The following FYN variants were observed in gnomAD, a reference collection of about 807,000 sequenced individuals.
The protein encoded by FYN is tyrosine-protein kinase Fyn.
Under a neutral mutation model 70.2 loss-of-function variants are expected in FYN, and 10 were observed. The observed-to-expected ratio is 0.14, with a 90% confidence interval of 0.09 to 0.24. FYN has a LOEUF of 0.24. Among genes scored for constraint, FYN ranks in the 10% least tolerant of loss-of-function variants. The pLI, the probability that FYN is intolerant of heterozygous loss-of-function variation, is 1.00. For synonymous variants in FYN, 236 were observed against 248.6 expected, an observed-to-expected ratio of 0.95 and a Z score of 0.48; for missense variants, 319 against 673.1, an observed-to-expected ratio of 0.47 and a Z score of 5.82.
Position 111,661,564 on chromosome 6 carries a change from G to T in FYN, c.*175C>A. On this transcript the variant is annotated 3_prime_UTR_variant, in exon 14 of 14. Coordinates refer to ENST00000354650, the MANE Select transcript of FYN (RefSeq NM_002037.5). This position sits in a 1 kb window ranked among gnomAD's most constrained non-coding sequence, Gnocchi z 4.0. ...TCGAATGCTTCACAGAGGAGGTTCGGATTTGGGGACAAGTGTCATTAATGA... is the reference window on the plus strand; with the variant it reads ...TCGAATGCTTCACAGAGGAGGTTCGTATTTGGGGACAAGTGTCATTAATGA... The T allele has an allele frequency of 1.6e-6, 1 of 616,846 alleles. No homozygotes were observed. The highest frequency in any genetic ancestry group is 2.9e-6 in the Non-Finnish European group (1 of 350,234). 38.2% of individuals were successfully genotyped at this position (616,846 alleles called of 1,614,324 possible).
At chr6:111,709,828 T>C (rs1324248124) in intron 5 of FYN, among the ~76,000 whole-genome samples, 5 of 152,184 alleles carry the variant, frequency 3.3e-5, no homozygotes, top group South Asian at 2.1e-4. Flanking sequence ...TGCTCCCCTA[T>C]TGTAAGCACC....
chr6:111,697,976 A>G (rs1232773542), intron 9 of FYN, among the ~76,000 whole-genome samples: 1 of 152,222 alleles, frequency 6.6e-6, no homozygotes, highest in African/African-American at 2.4e-5. Context: ...GATGGACACA[A>G]TAATGTGGAT....
chr6:111,757,640 T>TG (rs1562508152), intron 3 of FYN, among the ~76,000 whole-genome samples: 1 of 152,176 alleles, frequency 6.6e-6, no homozygotes, highest in Non-Finnish European at 1.5e-5. Context: ...AGGAAGGAGA[T>TG]GGATGCTATG....
intron 3 of FYN, among the ~76,000 whole-genome samples, chr6:111,755,661 T>C (rs1161966096): frequency 3.9e-5 from 6 of 152,168 alleles, no homozygotes; most frequent in Admixed American, 3.9e-4. Flanking sequence ...AATAGTATCA[T>C]ACAAACAACA....
intron 3 of FYN, among the ~76,000 whole-genome samples, chr6:111,730,834 A>T (rs998241010): frequency 6.6e-6 from 1 of 151,262 alleles, no homozygotes; most frequent in Non-Finnish European, 1.5e-5. Context: ...CTATAAAAAC[A>T]ATCAACCAGA....
intron 2 of FYN, among the ~76,000 whole-genome samples, chr6:111,828,464 C>A (rs1284211275): frequency 6.6e-6 from 1 of 152,140 alleles, no homozygotes; most frequent in Non-Finnish European, 1.5e-5. Flanking sequence ...CGTCCATGTT[C>A]ATAGCAACAC....
Position 111,666,527 on chromosome 6 carries a change from G to C in FYN, c.1406-4580C>G, listed in dbSNP as rs1021382142. On this transcript the variant is annotated intron_variant, in intron 13 of 13. Coordinates refer to ENST00000354650, the MANE Select transcript of FYN (RefSeq NM_002037.5). ...ATTGCTCAGGAAAACAGGCCATTGT[G>C]GTGGGTCACTTTCATAGGGTACAAC... 2.2e-4 allele frequency among the ~76,000 whole-genome samples: 33 copies of C among 152,282 alleles called. 1 individual carries two copies. The highest frequency in any genetic ancestry group is 7.7e-4 in the African/African-American group (32 of 41,544).
chr6:111,714,217 T>C (rs1800516051), intron 5 of FYN, 130 bp downstream of exon 5: 2 of 639,386 alleles, frequency 3.1e-6, no homozygotes, highest in East Asian at 2.7e-5. Context: ...CAAAGTATAT[T>C]GTTGTAAACC....
intron 4 of FYN, chr6:111,719,594 T>C (rs1800836545): frequency 3.6e-6 from 2 of 554,680 alleles, no homozygotes; most frequent in Non-Finnish European, 6.3e-6. Context: ...AGCAGCAACT[T>C]GGGGCACCTT....
At chr6:111,686,788 G>C (rs1372872091) in intron 12 of FYN, among the ~76,000 whole-genome samples, 1 of 152,206 alleles carries the variant, frequency 6.6e-6, no homozygotes, top group Non-Finnish European at 1.5e-5. Flanking sequence ...CTCACGGCGA[G>C]ATCAGCCTTG....
intron 1 of FYN, among the ~76,000 whole-genome samples, chr6:111,871,353 C>T (rs1467744439): frequency 6.6e-6 from 1 of 152,182 alleles, no homozygotes; most frequent in African/African-American, 2.4e-5. Context: ...TACAGGGTAC[C>T]CATGGAGCAG....
chr6:111,768,303 T>C (rs1438488886), intron 3 of FYN, among the ~76,000 whole-genome samples: 1 of 152,232 alleles, frequency 6.6e-6, no homozygotes, highest in Non-Finnish European at 1.5e-5. Flanking sequence ...CACTGTTCCT[T>C]ACATGTTTAC....
In FYN at chr6:111,831,701, C is replaced by T. The variant is rs765065188; in HGVS notation, c.-82+14888G>A. On this transcript the variant is annotated intron_variant, in intron 2 of 13. Coordinates refer to ENST00000354650, the MANE Select transcript of FYN (RefSeq NM_002037.5). ...TTTAATTACTGTTCACCTAAAGCTA[C>T]GCAATTAACAAAACTGTCTGAATTC... is the stretch of plus-strand genomic sequence containing the variant. Among the ~76,000 whole-genome samples, 12 of 152,278 alleles carry T rather than the reference C, an allele frequency of 7.9e-5. 1 individual carries two copies. In the South Asian group the frequency reaches 1.7e-3, roughly 21 times the overall value.
Position 111,720,029 on chromosome 6 carries a change from T to A in FYN, c.23A>T (p.Asp8Val). MGCVQCKDKEATKLTEER... is the reference protein window; with the variant it reads MGCVQCKVKEATKLTEER... Reference sequence around the variant, plus strand: ...CTCCGTCAGTTTTGTTGCTTCTTTATCCTTACATTGCACACAGCCCATTAT... The same window carrying A: ...CTCCGTCAGTTTTGTTGCTTCTTTAACCTTACATTGCACACAGCCCATTAT... Residue 8 changes from aspartate to valine, a missense_variant, in exon 4 of 14, where the codon GAT (aspartate) becomes GTT (valine). Physicochemically the swap from Asp to Val is radical, Grantham distance 152. Transcript: ENST00000354650. The A allele has an allele frequency of 4.3e-6, 7 of 1,610,700 alleles. No individual in the cohort carries two copies. The highest frequency in any genetic ancestry group is 5.9e-6 in the Non-Finnish European group (7 of 1,177,320).
chr6:111,866,105 C>T (rs4276545), intron 1 of FYN, among the ~76,000 whole-genome samples: 6,340 of 152,272 alleles, frequency 0.042, 143 homozygotes, highest in East Asian at 0.12. Flanking sequence ...CACATACACA[C>T]ATACATATGG....
chr6:111,717,267 C>G (rs1800692074), intron 4 of FYN, among the ~76,000 whole-genome samples: 1 of 151,502 alleles, frequency 6.6e-6, no homozygotes, highest in Admixed American at 6.6e-5. Context: ...TTTTAAGAAC[C>G]TCTGAATAAA....
chr6:111,858,307 C>T (rs1024626823), intron 1 of FYN: 4 of 152,234 alleles, frequency 2.6e-5, no homozygotes, highest in African/African-American at 9.7e-5. Context: ...TCTATCATCT[C>T]AATAACCCCG....
intron 3 of FYN, among the ~76,000 whole-genome samples, chr6:111,760,927 C>T (rs1802980896): frequency 6.6e-6 from 1 of 152,172 alleles, no homozygotes; most frequent in South Asian, 2.1e-4. Flanking sequence ...ACCACCTATG[C>T]TCAGGACCTT....
At chr6:111,854,914 A>AC (rs1773785573) in intron 1 of FYN, among the ~76,000 whole-genome samples, 1 of 152,254 alleles carries the variant, frequency 6.6e-6, no homozygotes, top group Non-Finnish European at 1.5e-5. Context: ...ATGATGCAAG[A>AC]CTATGTTAAG....
Sources: allele counts gnomAD v4.1 joint callset (sites outside exome capture counted in the v4.1 genomes callset), GRCh38; gene constraint gnomAD v4.1.1; non-coding constraint Gnocchi (gnomAD v3.1); transcripts MANE v1.5; gene names NCBI Gene and HGNC (gene_info 2026-07-23, HGNC 2026-07-21).